The following EPB41L4A variants were observed in gnomAD, a reference collection of about 807,000 sequenced individuals.
EPB41L4A encodes the protein band 4.1-like protein 4A.
In EPB41L4A, 100 loss-of-function variants were observed where a neutral mutation model predicts 108.6. The ratio of observed to expected loss-of-function variants is 0.92; its 90% CI spans 0.78 to 1.09. EPB41L4A has a LOEUF of 1.09. Ranked by LOEUF, EPB41L4A falls within the 50% of genes least tolerant of loss-of-function variation. EPB41L4A has a pLI of 0.00. For missense variants in EPB41L4A, 1,030 were observed against 842.7 expected (o/e 1.22, Z -2.75); for synonymous variants, 319 against 289.0 (o/e 1.10, Z -1.05).
intron 13 of EPB41L4A, among the ~76,000 whole-genome samples, chr5:112,144,918 TC>T (rs1360572815): frequency 6.6e-6 from 1 of 152,032 alleles, no homozygotes; most frequent in African/African-American, 2.4e-5. Context: ...AGGGAGGGGA[TC>T]CCCTCACTCC....
rs779303438 is a variant in EPB41L4A at position 112,307,509 on chromosome 5, T to C, written c.100-19A>G. On this transcript the variant is annotated intron_variant, in intron 1 of 22. Transcript: ENST00000261486. ...TTGACTTCTGCAAAAATAATTCAGT[T>C]TTATATTTTTTAACTGCCCTTTTGT... 9.0e-6 allele frequency: 14 copies of C among 1,562,534 alleles called. No homozygotes were observed. In the Admixed American group the frequency reaches 2.3e-4, roughly 26 times the overall value.
At chr5:112,417,822 C>A (rs928153065) in intron 1 of EPB41L4A, among the ~76,000 whole-genome samples, 8 of 152,176 alleles carry the variant, frequency 5.3e-5, no homozygotes, top group African/African-American at 1.9e-4. Flanking sequence ...AAGAATTACA[C>A]CTATGAAACT....
chr5:112,324,387 C>T (rs1756004195), intron 1 of EPB41L4A, among the ~76,000 whole-genome samples: 1 of 152,016 alleles, frequency 6.6e-6, no homozygotes, highest in Non-Finnish European at 1.5e-5. Flanking sequence ...TGATACAAAA[C>T]TAAAGCAGAG....
intron 18 of EPB41L4A, among the ~76,000 whole-genome samples, chr5:112,176,824 G>A (rs1393400472): frequency 1.4e-5 from 2 of 138,686 alleles, no homozygotes; most frequent in Admixed American, 7.9e-5. Flanking sequence ...GCGCCATCTC[G>A]GCTTACTGCA....
At chr5:112,316,883 G>A (rs1236108147) in intron 1 of EPB41L4A, among the ~76,000 whole-genome samples, 2 of 152,188 alleles carry the variant, frequency 1.3e-5, no homozygotes, top group African/African-American at 2.4e-5. Context: ...TGGAATGGCT[G>A]GAAGCTGGCT....
intron 4 of EPB41L4A, among the ~76,000 whole-genome samples, chr5:112,268,219 T>C (rs1752002660): frequency 6.6e-6 from 1 of 152,074 alleles, no homozygotes; most frequent in African/African-American, 2.4e-5. Flanking sequence ...CTTTCTCTAT[T>C]AAAAATACAA....
intron 1 of EPB41L4A, among the ~76,000 whole-genome samples, chr5:112,330,115 C>T (rs1756461279): frequency 6.6e-6 from 1 of 151,824 alleles, no homozygotes. Flanking sequence ...GAACGGCTTG[C>T]TACCTTCAGC....
rs115341929 is a variant in EPB41L4A at position 112,360,133 on chromosome 5, A to G, written c.100-52643T>C. Among the ~76,000 whole-genome samples, 1,387 of 152,270 alleles carry G rather than the reference A, an allele frequency of 9.1e-3. 16 individuals carry two copies. Among genetic ancestry groups the G allele is most frequent in the African/African-American group, 0.032 (1,335 of 41,550 alleles). ...CAATAGGAATCCAACAATTTGTAAA[A>G]GTAATTATCAGGCCAGGCACCATAG... On this transcript the variant is annotated intron_variant, in intron 1 of 22. Coordinates refer to ENST00000261486, the MANE Select transcript of EPB41L4A (RefSeq NM_022140.5).
chr5:112,189,985 G>C (rs1761615296), intron 17 of EPB41L4A, among the ~76,000 whole-genome samples: 1 of 152,172 alleles, frequency 6.6e-6, no homozygotes, highest in Non-Finnish European at 1.5e-5. Flanking sequence ...CCCTGGGCAA[G>C]TCCAGCACAT....
At chr5:112,344,319 T>G (rs1463905135) in intron 1 of EPB41L4A, among the ~76,000 whole-genome samples, 1 of 152,172 alleles carries the variant, frequency 6.6e-6, no homozygotes, top group Non-Finnish European at 1.5e-5. Flanking sequence ...GAAAATTCTG[T>G]AGGACATCCC....
chr5:112,181,902 AT>A (rs941994723), intron 18 of EPB41L4A, among the ~76,000 whole-genome samples: 2 of 152,062 alleles, frequency 1.3e-5, no homozygotes, highest in African/African-American at 4.8e-5. Context: ...GTGAAACCCC[AT>A]CTCTACTGAA....
chr5:112,296,984 C>A (rs982218854), intron 2 of EPB41L4A, among the ~76,000 whole-genome samples: 3 of 126,972 alleles, frequency 2.4e-5, no homozygotes, highest in Admixed American at 2.3e-4. Context: ...TACATATATA[C>A]ATACATACAC....
In EPB41L4A at chr5:112,259,916, T is replaced by G. The variant is rs1411039177; in HGVS notation, c.706A>C (p.Lys236Gln). 6.2e-7 allele frequency: 1 copy of G among 1,614,116 alleles called. No homozygotes were observed. Among genetic ancestry groups the G allele is most frequent in the Non-Finnish European group, 8.5e-7 (1 of 1,179,930 alleles). The change falls in exon 8 of 23, where the codon AAA (lysine) becomes CAA (glutamine). Residue 236 changes from lysine (K) to glutamine (Q), a missense_variant. By Grantham distance (53) the Lys-to-Gln change is moderately conservative. Coordinates refer to ENST00000261486, the MANE Select transcript of EPB41L4A (RefSeq NM_022140.5). Reference protein sequence around the residue: ...TPVGVVVYKNKKQVGKYFWPR... With the variant: ...TPVGVVVYKNQKQVGKYFWPR... ...CAGAAATACTTCCCCACTTGCTTTT[T>G]ATTCTTGTACACAACAACACCAACC...
At chr5:112,257,902 A>ACT (rs1178849973) in intron 9 of EPB41L4A, among the ~76,000 whole-genome samples, 4 of 152,052 alleles carry the variant, frequency 2.6e-5, no homozygotes, top group African/African-American at 9.7e-5. Flanking sequence ...CTAATTAGCT[A>ACT]CTCTACTTTT....
At position 112,259,981 on chromosome 5, in the gene EPB41L4A, T is replaced by A; in HGVS notation, c.643-2A>T. On this transcript the variant is annotated splice_acceptor_variant, in intron 7 of 22. Transcript: ENST00000261486. LOFTEE classifies it high-confidence loss of function. ...GAAATACTCAGACTTGTTTTCTCCC[T>A]GCAAAAACAAACATATGCCTATAAC... The A allele has an allele frequency of 6.2e-7, 1 of 1,610,060 alleles. No individual in the cohort carries two copies. The highest frequency in any genetic ancestry group is 1.3e-5 in the African/African-American group (1 of 74,974).
chr5:112,398,225 C>A (rs987869581), intron 1 of EPB41L4A, among the ~76,000 whole-genome samples: 1 of 152,106 alleles, frequency 6.6e-6, no homozygotes, highest in Non-Finnish European at 1.5e-5. Context: ...AATCTTTTTC[C>A]AATGTCAGAA....
chr5:112,388,257 C>T (rs1442166692), intron 1 of EPB41L4A, among the ~76,000 whole-genome samples: 6 of 152,114 alleles, frequency 3.9e-5, no homozygotes, highest in Non-Finnish European at 7.4e-5. Context: ...TTTAAAAGTG[C>T]AATGCAAAGC....
At chr5:112,325,512 T>C (rs821743) in intron 1 of EPB41L4A, among the ~76,000 whole-genome samples, 5,494 of 152,154 alleles carry the variant, frequency 0.036, 333 homozygotes, top group African/African-American at 0.13. Context: ...TAAAGTACTT[T>C]AGCTATAAAA....
intron 4 of EPB41L4A, among the ~76,000 whole-genome samples, chr5:112,268,418 C>G (rs1002709293): frequency 6.6e-6 from 1 of 152,094 alleles, no homozygotes; most frequent in East Asian, 1.9e-4. Context: ...ACAAAAGAGA[C>G]AACTGTGAGA....
Sources: gnomAD v4.1 joint callset for allele counts (sites outside exome capture counted in the v4.1 genomes callset) on GRCh38, gnomAD v4.1.1 for gene constraint, MANE v1.5 for transcripts, NCBI Gene and HGNC (gene_info 2026-07-23, HGNC 2026-07-21) for gene names.